Variants in ID1 observed in about 807,000 individuals in gnomAD.
The protein encoded by ID1 is DNA-binding protein inhibitor ID-1.
In ID1, 8 loss-of-function variants were observed where a neutral mutation model predicts 11.3. That is an observed-to-expected ratio of 0.71 (90% CI 0.42 to 1.28). The LOEUF is 1.28. Among genes scored for constraint, ID1 ranks in the 50% most tolerant of loss-of-function variants. ID1 has a pLI of 0.01. For missense variants in ID1, 347 were observed against 219.8 expected (o/e 1.58, Z -3.66); for synonymous variants, 176 against 100.2 (o/e 1.76, Z -4.52).
rs755548907 is a variant in ID1 at position 31,605,576 on chromosome 20, C to A, written c.189C>A (p.Asn63Lys). Reference sequence around the variant, plus strand: ...CCCTGCTGGACGAGCAGCAGGTAAACGTGCTGCTCTACGACATGAACGGCT... The same window carrying A: ...CCCTGCTGGACGAGCAGCAGGTAAAAGTGCTGCTCTACGACATGAACGGCT... ...LPALLDEQQV[N>K]VLLYDMNGCY... The change falls in exon 1 of 2, where the codon AAC becomes AAA. Residue 63 changes from asparagine to lysine, a missense_variant. Transcript: ENST00000376112. 2 of 1,561,722 alleles carry A rather than the reference C, an allele frequency of 1.3e-6. No individual in the cohort carries two copies. The highest frequency in any genetic ancestry group is 4.8e-5 in the East Asian group (2 of 41,632).
chr20:31,605,982 A>G (rs12480444), intron 1 of ID1, 71 bp from the exon 2 acceptor site: 1 of 1,610,712 alleles, frequency 6.2e-7, no homozygotes, highest in Non-Finnish European at 8.5e-7. Context: ...TTCCTGGGGA[A>G]GGGGGCGTTC....
Position 31,605,301 on chromosome 20 carries a change from T to C in ID1, c.-87T>C. 1 of 1,278,878 alleles carries C rather than the reference T, an allele frequency of 7.8e-7. No homozygotes were observed. The allele number at this position is 1,278,878 out of a possible 1,614,324, so 79.2% of individuals were successfully genotyped here. A position where few individuals can be genotyped will look rare whatever the true frequency, so the allele number is the denominator to read the frequency against. On this transcript the variant is annotated 5_prime_UTR_variant, in exon 1 of 2. Coordinates refer to ENST00000376112, the MANE Select transcript of ID1 (RefSeq NM_002165.4). ...GCTCCGCACTCTCATTCCACGTTCT[T>C]AACTGTTCCATTTTCCGTATCTGCT...
intron 1 of ID1, 117 bp downstream of exon 1, chr20:31,605,930 G>T: frequency 6.3e-7 from 1 of 1,588,032 alleles, no homozygotes. Context: ...TGGCTATGCG[G>T]GGGTGCCTAA....
At position 31,606,384 on chromosome 20, in the gene ID1, G is replaced by A. The variant is rs1291406177; in HGVS notation, c.*290G>A. 1.9e-6 allele frequency: 1 copy of A among 523,166 alleles called. No homozygotes were observed. The highest frequency in any genetic ancestry group is 1.9e-5 in the African/African-American group (1 of 52,158). The allele number at this position is 523,166 out of a possible 1,614,324, so 32.4% of individuals were successfully genotyped here. ...ACATTTTAAAAAATGGTCACGTTTG[G>A]TGCTTCTCAGATTTCTGAGGAAATT... is the stretch of plus-strand genomic sequence containing the variant. On this transcript the variant is annotated 3_prime_UTR_variant, in exon 2 of 2. Coordinates refer to ENST00000376112, the MANE Select transcript of ID1 (RefSeq NM_002165.4).
chr20:31,605,733 G>A lies in ID1; in HGVS notation c.346G>A (p.Gly116Arg). ...GGAGCTGAACTCGGAATCCGAAGTTGGAACCCCCGGGGGCCGAGGGCTGCC... is the reference window on the plus strand; with the variant it reads ...GGAGCTGAACTCGGAATCCGAAGTTAGAACCCCCGGGGGCCGAGGGCTGCC... ...QLELNSESEV[G>R]TPGGRGLPVR... is the part of the protein sequence containing the mutation. The change falls in exon 1 of 2, where the codon GGA becomes AGA. Residue 116 changes from glycine to arginine, a missense_variant. Physicochemically the swap from Gly to Arg is moderately radical, Grantham distance 125. Transcript: ENST00000376112. 1.9e-6 allele frequency: 3 copies of A among 1,610,812 alleles called. No homozygotes were observed. The highest frequency in any genetic ancestry group is 2.5e-6 in the Non-Finnish European group (3 of 1,178,628).
chr20:31,606,143 G>GGAATT lies in ID1; in HGVS notation c.*50_*54dup, dbSNP rs1986101956. On this transcript the variant is annotated 3_prime_UTR_variant, in exon 2 of 2. Coordinates refer to ENST00000376112, the MANE Select transcript of ID1 (RefSeq NM_002165.4). ...GACCCCAGCCATCCAGGGGGCAAGA[G>GGAATT]GAATTACGTGCTCTGTGGGTCTCCC... The GGAATT allele has an allele frequency of 1.3e-6, 2 of 1,571,938 alleles. No individual in the cohort carries two copies. The highest frequency in any genetic ancestry group is 2.7e-5 in the African/African-American group (2 of 74,158).
rs975875418 is a variant in ID1 at position 31,606,108 on chromosome 20, G to A, written c.*14G>A. The A allele has an allele frequency of 1.9e-6, 3 of 1,607,438 alleles. No individual in the cohort carries two copies. The highest frequency in any genetic ancestry group is 1.7e-6 in the Non-Finnish European group (2 of 1,179,322). On this transcript the variant is annotated 3_prime_UTR_variant, in exon 2 of 2. Transcript: ENST00000376112. ...TTGTGTCGCTGAAGCGCCTCCCCCA[G>A]GGACCGGCGGACCCCAGCCATCCAG...
chr20:31,605,289 A>G lies in ID1; in HGVS notation c.-99A>G, dbSNP rs1035783111. 4 of 1,154,812 alleles carry G rather than the reference A, an allele frequency of 3.5e-6. No individual in the cohort carries two copies. Among genetic ancestry groups the G allele is most frequent in the South Asian group, 1.5e-5 (1 of 68,470 alleles). 71.5% of individuals were successfully genotyped at this position (1,154,812 alleles called of 1,614,324 possible). A position where few individuals can be genotyped will look rare whatever the true frequency, so the allele number is the denominator to read the frequency against. ...AGACAAGCTGTGGCTCCGCACTCTC[A>G]TTCCACGTTCTTAACTGTTCCATTT... On this transcript the variant is annotated 5_prime_UTR_variant, in exon 1 of 2. Coordinates refer to ENST00000376112, the MANE Select transcript of ID1 (RefSeq NM_002165.4).
In ID1 at chr20:31,606,069, C is replaced by G. The variant is rs765973693; in HGVS notation, c.443C>G (p.Ala148Gly). The change falls in exon 2 of 2, where the codon GCG (alanine) becomes GGG (glycine). Residue 148 changes from alanine to glycine, a missense_variant. Transcript: ENST00000376112. ...ALTAEAACVP[A>G]DDRILCR ...TTTTCACAGGCGGCATGCGTTCCTG[C>G]GGACGATCGCATCTTGTGTCGCTGA... 7.5e-6 allele frequency: 12 copies of G among 1,609,860 alleles called. No homozygotes were observed. The highest frequency in any genetic ancestry group is 1.0e-5 in the Non-Finnish European group (12 of 1,180,004).
chr20:31,606,236 C>T lies in ID1; in HGVS notation c.*142C>T, dbSNP rs1178833588. ...GCGGCCACTGCGCCCTTAACTGCAT[C>T]CAGCCTGGGGCTGAGGCTGAGGCAC... On this transcript the variant is annotated 3_prime_UTR_variant, in exon 2 of 2. Coordinates refer to ENST00000376112, the MANE Select transcript of ID1 (RefSeq NM_002165.4). 8 of 859,182 alleles carry T rather than the reference C, an allele frequency of 9.3e-6. No homozygotes were observed. Among genetic ancestry groups the T allele is most frequent in the East Asian group, 2.7e-5 (1 of 37,630 alleles). 53.2% of individuals were successfully genotyped at this position (859,182 alleles called of 1,614,324 possible).
Position 31,605,458 on chromosome 20 carries a change from C to G in ID1, c.71C>G (p.Thr24Arg). 6.2e-7 allele frequency: 1 copy of G among 1,609,018 alleles called. No homozygotes were observed. The highest frequency in any genetic ancestry group is 8.5e-7 in the Non-Finnish European group (1 of 1,178,116). The change falls in exon 1 of 2, where the codon ACA becomes AGA. Residue 24 changes from threonine (T) to arginine (R), a missense_variant. Thr to Arg is a moderately conservative substitution (Grantham distance 71). Coordinates refer to ENST00000376112, the MANE Select transcript of ID1 (RefSeq NM_002165.4). ...AGCTGCGCGCTGAAGGCCGGCAAGA[C>G]AGCGAGCGGTGCGGGCGAGGTGGTG... Reference protein sequence around the residue: ...GPSCALKAGKTASGAGEVVRC... With the variant: ...GPSCALKAGKRASGAGEVVRC...
chr20:31,605,923 C>G, intron 1 of ID1, 110 bp downstream of exon 1: 1 of 1,584,322 alleles, frequency 6.3e-7, no homozygotes, highest in South Asian at 1.1e-5. Context: ...GGGTACCTGG[C>G]TATGCGGGGG....
rs752192151 is a variant in ID1, at chr20:31,605,485, G to A, written c.98G>A (p.Arg33His). ...KTASGAGEVV[R>H]CLSEQSVAIS... ...GCGAGCGGTGCGGGCGAGGTGGTGCGCTGTCTGTCTGAGCAGAGCGTGGCC... is the reference window on the plus strand; with the variant it reads ...GCGAGCGGTGCGGGCGAGGTGGTGCACTGTCTGTCTGAGCAGAGCGTGGCC... Residue 33 changes from arginine to histidine, a missense_variant, in exon 1 of 2, where the codon CGC becomes CAC. Transcript: ENST00000376112. 2 of 1,605,844 alleles carry A rather than the reference G, an allele frequency of 1.2e-6. No individual in the cohort carries two copies. The highest frequency in any genetic ancestry group is 1.7e-6 in the Non-Finnish European group (2 of 1,175,928).
At position 31,605,493 on chromosome 20, in the gene ID1, T is replaced by A. The variant is rs755037417; in HGVS notation, c.106T>A (p.Ser36Thr). Reference protein sequence around the residue: ...SGAGEVVRCLSEQSVAISRCA... With the variant: ...SGAGEVVRCLTEQSVAISRCA... ...TGCGGGCGAGGTGGTGCGCTGTCTG[T>A]CTGAGCAGAGCGTGGCCATCTCGCG... The change falls in exon 1 of 2, where the codon TCT (serine) becomes ACT (threonine). Residue 36 changes from serine (S) to threonine (T), a missense_variant. By Grantham distance (58) the Ser-to-Thr change is moderately conservative. Coordinates refer to ENST00000376112, the MANE Select transcript of ID1 (RefSeq NM_002165.4). 6.2e-7 allele frequency: 1 copy of A among 1,604,000 alleles called. No homozygotes were observed. Among genetic ancestry groups the A allele is most frequent in the South Asian group, 1.1e-5 (1 of 90,316 alleles).
intron 1 of ID1, 106 bp from the exon 2 acceptor site, chr20:31,605,947 T>A: frequency 1.3e-6 from 2 of 1,597,136 alleles, no homozygotes; most frequent in Non-Finnish European, 1.7e-6. Context: ...CTAAGGAGCC[T>A]GGAAAAAGCG....
At chr20:31,605,962 C>G (rs1326230729) in intron 1 of ID1, 91 bp from the exon 2 acceptor site, 3 of 1,605,298 alleles carry the variant, frequency 1.9e-6, no homozygotes, top group Middle Eastern at 1.7e-4. Context: ...AAAGCGCTCC[C>G]CCGTCGTGCT....
In ID1 at chr20:31,605,813, G is replaced by C; in HGVS notation, c.426G>C (p.Glu142Asp). The change falls in exon 1 of 2, where the codon GAG becomes GAC. Residue 142 changes from glutamate to aspartate, a missense_variant and splice_region_variant. Physicochemically the swap from Glu to Asp is conservative, Grantham distance 45. Coordinates refer to ENST00000376112, the MANE Select transcript of ID1 (RefSeq NM_002165.4). ...LNGEISALTA[E>D]AACVPADDRI... ...GCGAGATCAGCGCCCTGACGGCCGA[G>C]GTGAGATCCAGATCCGACCACTAGA... The C allele has an allele frequency of 6.2e-7, 1 of 1,611,474 alleles. No individual in the cohort carries two copies. The highest frequency in any genetic ancestry group is 1.1e-5 in the South Asian group (1 of 90,606).
In ID1 at chr20:31,606,053, G is replaced by A. The variant is rs763329754; in HGVS notation, c.427G>A (p.Ala143Thr). 6.2e-6 allele frequency: 10 copies of A among 1,611,518 alleles called. No individual in the cohort carries two copies. Among genetic ancestry groups the A allele is most frequent in the Non-Finnish European group, 7.6e-6 (9 of 1,180,020 alleles). Residue 143 changes from alanine (A) to threonine (T), a missense_variant and splice_region_variant, in exon 2 of 2, where the codon GCG (alanine) becomes ACG (threonine). By Grantham distance (58) the Ala-to-Thr change is moderately conservative (BLOSUM62 0). Transcript: ENST00000376112. ...NGEISALTAE[A>T]ACVPADDRIL... ...GTCTCATTTCTTCTCGTTTTCACAG[G>A]CGGCATGCGTTCCTGCGGACGATCG...
intron 1 of ID1, 66 bp downstream of exon 1, chr20:31,605,879 G>A (rs1284198913): frequency 1.9e-6 from 3 of 1,587,258 alleles, no homozygotes; most frequent in Non-Finnish European, 2.6e-6. Flanking sequence ...CAGAGAGGGC[G>A]TGGGCGCTTG....
Sources: allele counts gnomAD v4.1 joint callset, GRCh38; gene constraint gnomAD v4.1.1; transcripts MANE v1.5; gene names NCBI Gene and HGNC (gene_info 2026-07-23, HGNC 2026-07-21).